Variants in ZNF469 observed in about 807,000 individuals in gnomAD.
ZNF469 encodes zinc finger protein 469.
In ZNF469, 1 loss-of-function variant was observed where a neutral mutation model predicts 1.0. The ratio of observed to expected loss-of-function variants is 1.00; its 90% CI spans 0.35 to 4.73. ZNF469 has a LOEUF of 4.73. Among genes scored for constraint, ZNF469 ranks in the 30% most tolerant of loss-of-function variants. The probability of loss-of-function intolerance (pLI) is 0.16; values close to 1 mark genes in which losing one functional copy is unlikely to be tolerated. For synonymous variants in ZNF469, 2,703 were observed against 2,363.4 expected, an observed-to-expected ratio of 1.14 and a Z score of -4.17; for missense variants, 6,100 against 5,356.3, an observed-to-expected ratio of 1.14 and a Z score of -4.33.
At chr16:88,412,156 C>T (rs1361365762) in intron 1 of ZNF469, among the ~76,000 whole-genome samples, 3 of 152,176 alleles carry the variant, frequency 2.0e-5, no homozygotes, top group African/African-American at 4.8e-5. Context: ...CCACCACGCC[C>T]CCTGTCCCAG....
At chr16:88,423,252 T>C (rs1182427749) in intron 1 of ZNF469, among the ~76,000 whole-genome samples, 6 of 149,388 alleles carry the variant, frequency 4.0e-5, no homozygotes, top group Admixed American at 2.0e-4. Flanking sequence ...GATGGATGGA[T>C]AGATGGATGG....
the ZNF469 span, chr16:88,276,353 C>G: frequency 6.6e-6 from 1 of 152,276 alleles, no homozygotes; most frequent in Non-Finnish European, 1.5e-5. Context: ...CAAGCGCCAT[C>G]AAGCTGGCCC....
At chr16:88,387,698 G>A (rs1371998177) in intron 1 of ZNF469, among the ~76,000 whole-genome samples, 1 of 152,174 alleles carries the variant, frequency 6.6e-6, no homozygotes, top group Non-Finnish European at 1.5e-5. Context: ...AGCGAGGAGA[G>A]CCCGCAGGCC....
chr16:88,150,127 G>A, the ZNF469 span, among the ~76,000 whole-genome samples: 1 of 152,278 alleles, frequency 6.6e-6, no homozygotes. Flanking sequence ...GGCCAACATG[G>A]TGAAACCCCG....
chr16:88,354,524 C>T, the ZNF469 span, among the ~76,000 whole-genome samples: 4 of 152,156 alleles, frequency 2.6e-5, no homozygotes, highest in African/African-American at 9.7e-5. Context: ...GAGCCGACCG[C>T]ACCCCGGTTT....
the ZNF469 span, among the ~76,000 whole-genome samples, chr16:88,308,782 T>C: frequency 6.6e-6 from 1 of 152,206 alleles, no homozygotes; most frequent in South Asian, 2.1e-4. Context: ...CTCATCTATT[T>C]GGACAGACAC....
chr16:88,337,258 G>A, the ZNF469 span, among the ~76,000 whole-genome samples: 626 of 152,218 alleles, frequency 4.1e-3, 1 homozygote, highest in Non-Finnish European at 6.5e-3. Flanking sequence ...TCATGGGGGC[G>A]GGCCTTTCCC....
chr16:88,404,562 T>A (rs901927594), intron 1 of ZNF469, among the ~76,000 whole-genome samples: 3 of 151,996 alleles, frequency 2.0e-5, no homozygotes, highest in Non-Finnish European at 4.4e-5. Flanking sequence ...TGTGCCTGGG[T>A]GGCAGGGGAA....
the ZNF469 span, among the ~76,000 whole-genome samples, chr16:88,269,443 C>G: frequency 6.6e-6 from 1 of 152,184 alleles, no homozygotes; most frequent in Admixed American, 6.5e-5. Context: ...ATGAATATCA[C>G]CCTGCAGCAC....
At chr16:88,338,674 A>G in the ZNF469 span, among the ~76,000 whole-genome samples, 1 of 152,158 alleles carries the variant, frequency 6.6e-6, no homozygotes, top group Admixed American at 6.5e-5. Context: ...GGGCCTTTGC[A>G]GGTGCAATTA....
At chr16:88,284,201 T>C in the ZNF469 span, among the ~76,000 whole-genome samples, 3 of 151,430 alleles carry the variant, frequency 2.0e-5, no homozygotes, top group Non-Finnish European at 2.9e-5. Flanking sequence ...CGGAGGCTGG[T>C]AGACCCTGAG....
In ZNF469 at chr16:88,439,369, T is replaced by G. The variant is rs1328972561; in HGVS notation, c.*37T>G. 1 of 1,548,856 alleles carries G rather than the reference T, an allele frequency of 6.5e-7. No homozygotes were observed. Among genetic ancestry groups the G allele is most frequent in the Non-Finnish European group, 8.7e-7 (1 of 1,146,074 alleles). ...AAGAGCCTGGGACCGGAGCTGGGCGTTCCTGTCTCGGCCTGCCTCCTTGGC... is the reference window on the plus strand; with the variant it reads ...AAGAGCCTGGGACCGGAGCTGGGCGGTCCTGTCTCGGCCTGCCTCCTTGGC... On this transcript the variant is annotated 3_prime_UTR_variant, in exon 3 of 3. Transcript: ENST00000565624.
chr16:88,136,769 G>T, the ZNF469 span, among the ~76,000 whole-genome samples: 7 of 152,244 alleles, frequency 4.6e-5, no homozygotes, highest in Non-Finnish European at 1.0e-4. Context: ...GAGAAGATTA[G>T]ACGATTCTCA....
the ZNF469 span, among the ~76,000 whole-genome samples, chr16:88,335,539 G>A: frequency 2.6e-5 from 4 of 152,240 alleles, no homozygotes; most frequent in African/African-American, 9.6e-5. Flanking sequence ...GGCTCCCAAA[G>A]TGAGTGTCTG....
chr16:88,282,287 G>T, the ZNF469 span, among the ~76,000 whole-genome samples: 2 of 152,152 alleles, frequency 1.3e-5, no homozygotes, highest in African/African-American at 2.4e-5. Flanking sequence ...GGCACCTTGG[G>T]CCTGTGTTCT....
chr16:88,281,092 A>G, the ZNF469 span, among the ~76,000 whole-genome samples: 5 of 150,352 alleles, frequency 3.3e-5, no homozygotes, highest in Admixed American at 3.3e-4. Flanking sequence ...TGCCACACCA[A>G]TGCTTGGTCA....
the ZNF469 span, among the ~76,000 whole-genome samples, chr16:88,119,024 T>C: frequency 2.0e-5 from 3 of 152,356 alleles, no homozygotes; most frequent in East Asian, 3.9e-4. Context: ...AGGCAGGAAC[T>C]GAGTCACTGT....
Position 88,432,504 on chromosome 16 carries a change from C to A in ZNF469, c.5034C>A (p.Asp1678Glu). The A allele has an allele frequency of 6.5e-7, 1 of 1,550,382 alleles. No individual in the cohort carries two copies. ...CCCTTCTCCCCTGTGCCCAGGAAGACCTGGTTTCTGGGGCTCCTTTCAGCC... is the reference window on the plus strand; with the variant it reads ...CCCTTCTCCCCTGTGCCCAGGAAGAACTGGTTTCTGGGGCTCCTTTCAGCC... Reference protein sequence around the residue: ...HAALLPCAQEDLVSGAPFSPR... With the variant: ...HAALLPCAQEELVSGAPFSPR... Residue 1678 changes from aspartate to glutamate, a missense_variant, in exon 3 of 3, where the codon GAC (aspartate) becomes GAA (glutamate). Coordinates refer to ENST00000565624, the MANE Select transcript of ZNF469 (RefSeq NM_001367624.2).
Position 88,428,043 on chromosome 16 carries a change from T to C in ZNF469, c.573T>C (p.Phe191=). 1.9e-6 allele frequency: 3 copies of C among 1,549,642 alleles called. No individual in the cohort carries two copies. The highest frequency in any genetic ancestry group is 2.6e-6 in the Non-Finnish European group (3 of 1,146,648). The change falls in exon 3 of 3, where the codon TTT becomes TTC. Residue 191 remains phenylalanine (F), a synonymous_variant. Transcript: ENST00000565624. The part of the protein sequence containing the change: ...HRCFQEPPSS[F]TSTNYTSPSA... ...GCTTCCAGGAGCCACCCTCCAGCTT[T>C]ACCTCCACCAACTATACCTCACCAA...
Sources: gnomAD v4.1 joint callset for allele counts (sites outside exome capture counted in the v4.1 genomes callset) on GRCh38, gnomAD v4.1.1 for gene constraint, MANE v1.5 for transcripts, NCBI Gene and HGNC (gene_info 2026-07-23, HGNC 2026-07-21) for gene names.